Variants in PCDHA6 observed in about 807,000 individuals in gnomAD.
PCDHA6 encodes protocadherin alpha-6.
A neutral mutation model predicts 60.3 loss-of-function variants in PCDHA6; 55 were observed. The ratio of observed to expected loss-of-function variants is 0.91; its 90% CI spans 0.73 to 1.14. The LOEUF (loss-of-function observed/expected upper bound fraction) is 1.14, where lower values mean the gene tolerates loss of function less well. Among genes scored for constraint, PCDHA6 ranks in the 50% most tolerant of loss-of-function variants. PCDHA6 has a pLI of 0.00. For synonymous variants in PCDHA6, 652 were observed against 557.9 expected, an observed-to-expected ratio of 1.17 and a Z score of -2.38; for missense variants, 1,327 against 1,256.5, an observed-to-expected ratio of 1.06 and a Z score of -0.85.
At chr5:140,894,066 A>G (rs997633914) in intron 1 of PCDHA6, among the ~76,000 whole-genome samples, 1 of 152,204 alleles carries the variant, frequency 6.6e-6, no homozygotes, top group Admixed American at 6.5e-5. Context: ...ATTTTTAAAT[A>G]CATTTATTTT....
chr5:140,953,528 C>T (rs2094898852), intron 1 of PCDHA6, among the ~76,000 whole-genome samples: 1 of 152,112 alleles, frequency 6.6e-6, no homozygotes, highest in Non-Finnish European at 1.5e-5. Context: ...AAACGGGAAA[C>T]TCACTTCATG....
At chr5:140,902,437 T>A (rs2069464443) in intron 1 of PCDHA6, among the ~76,000 whole-genome samples, 3 of 152,154 alleles carry the variant, frequency 2.0e-5, no homozygotes, top group Admixed American at 2.0e-4. Context: ...GGCATCCTTG[T>A]CATATTCTAG....
intron 1 of PCDHA6, chr5:140,870,427 G>C: frequency 6.2e-7 from 1 of 1,614,220 alleles, no homozygotes; most frequent in Non-Finnish European, 8.5e-7. Context: ...CAGGGTATCC[G>C]TGGAGGTGGC....
Position 140,828,871 on chromosome 5 carries a change from A to G in PCDHA6, c.780A>G (p.Thr260=). The change falls in exon 1 of 4, where the codon ACA becomes ACG. Residue 260 remains threonine (T), a synonymous_variant. Coordinates refer to ENST00000529310, the MANE Select transcript of PCDHA6 (RefSeq NM_018909.4). The part of the protein sequence containing the change: ...RIFENADNGT[T]VIRLNASDRD... Reference sequence around the variant, plus strand: ...TCGAAAATGCAGACAACGGAACAACAGTTATCAGACTGAATGCTTCTGATC... The same window carrying G: ...TCGAAAATGCAGACAACGGAACAACGGTTATCAGACTGAATGCTTCTGATC... The G allele has an allele frequency of 6.2e-7, 1 of 1,614,250 alleles. No individual in the cohort carries two copies.
At chr5:140,930,902 T>C (rs1474835953) in intron 1 of PCDHA6, among the ~76,000 whole-genome samples, 1 of 152,212 alleles carries the variant, frequency 6.6e-6, no homozygotes, top group Non-Finnish European at 1.5e-5. Flanking sequence ...TTTAACTTAC[T>C]TTTCTACTTT....
At chr5:140,882,414 C>T in intron 1 of PCDHA6, 2 of 1,614,148 alleles carry the variant, frequency 1.2e-6, no homozygotes, top group Non-Finnish European at 8.5e-7. Flanking sequence ...GGCCGCATCG[C>T]TCAGGACCTG....
chr5:140,912,635 T>G (rs1554195442), intron 1 of PCDHA6, among the ~76,000 whole-genome samples: 2 of 152,156 alleles, frequency 1.3e-5, no homozygotes, highest in Admixed American at 6.5e-5. Context: ...AGACTTTCAG[T>G]ACTATGTTGA....
At chr5:140,839,108 A>G (rs1047759109) in intron 1 of PCDHA6, among the ~76,000 whole-genome samples, 1 of 151,988 alleles carries the variant, frequency 6.6e-6, no homozygotes, top group Non-Finnish European at 1.5e-5. Context: ...ATTATTTACC[A>G]TTAAGCCATA....
intron 1 of PCDHA6, among the ~76,000 whole-genome samples, chr5:140,840,756 A>T (rs1776857330): frequency 2.6e-5 from 4 of 152,114 alleles, no homozygotes; most frequent in Non-Finnish European, 5.9e-5. Context: ...GAACACAAGA[A>T]GATAAAATGT....
chr5:141,004,486 C>CT (rs2098167953), intron 3 of PCDHA6, among the ~76,000 whole-genome samples: 2 of 152,200 alleles, frequency 1.3e-5, no homozygotes, highest in South Asian at 4.1e-4. Flanking sequence ...TGGATTAACT[C>CT]TTGGCAGTCC....
Position 140,830,275 on chromosome 5 carries a change from C to T in PCDHA6, c.2184C>T (p.Thr728=). The T allele has an allele frequency of 6.2e-7, 1 of 1,613,816 alleles. No individual in the cohort carries two copies. The highest frequency in any genetic ancestry group is 8.5e-7 in the Non-Finnish European group (1 of 1,179,858). ...YTALRCSAPP[T]EGACTADKPT... ...CGCTGCGGTGCTCGGCGCCACCCAC[C>T]GAGGGCGCGTGCACGGCGGACAAGC... is the stretch of plus-strand genomic sequence containing the variant. Residue 728 remains threonine (T), a synonymous_variant, in exon 1 of 4, where the codon ACC becomes ACT. Coordinates refer to ENST00000529310, the MANE Select transcript of PCDHA6 (RefSeq NM_018909.4).
At chr5:140,978,922 C>A (rs569091265) in intron 1 of PCDHA6, 27 bp from the exon 2 acceptor site, 7 of 1,613,966 alleles carry the variant, frequency 4.3e-6, no homozygotes, top group Non-Finnish European at 5.1e-6. Context: ...GTCATTTTAA[C>A]AGAAAACTCT....
At chr5:140,863,377 G>T (rs782482597) in intron 1 of PCDHA6, 6 of 1,100,624 alleles carry the variant, frequency 5.5e-6, no homozygotes, top group Non-Finnish European at 7.9e-6. Context: ...GCAGCTCACC[G>T]AGAGCTCGTG....
At chr5:140,858,252 C>T in intron 1 of PCDHA6, 1 of 1,596,744 alleles carries the variant, frequency 6.3e-7, no homozygotes. Context: ...CCGGTGAAGC[C>T]CACGCTGGTG....
chr5:140,967,229 C>T, intron 1 of PCDHA6: 2 of 1,613,760 alleles, frequency 1.2e-6, no homozygotes, highest in East Asian at 2.2e-5. Flanking sequence ...CAACTACCAG[C>T]TTCAGGTAAG....
chr5:140,834,777 G>A (rs2150226372), intron 1 of PCDHA6: 1 of 1,613,920 alleles, frequency 6.2e-7, no homozygotes, highest in Admixed American at 1.7e-5. Flanking sequence ...CAACCCTCCG[G>A]TGTTCCCAGC....
chr5:140,882,020 C>CA, intron 1 of PCDHA6: 1 of 561,726 alleles, frequency 1.8e-6, no homozygotes, highest in East Asian at 3.1e-5. Context: ...AATACTACAT[C>CA]AATGGAAAAT....
intron 1 of PCDHA6, chr5:140,856,086 T>C (rs1554148156): frequency 1.9e-6 from 3 of 1,596,442 alleles, no homozygotes; most frequent in Non-Finnish European, 2.6e-6. Flanking sequence ...GTCCAGTGTC[T>C]GCTGCTCTCG....
chr5:140,911,075 A>G (rs1554194593), intron 1 of PCDHA6, among the ~76,000 whole-genome samples: 1 of 152,076 alleles, frequency 6.6e-6, no homozygotes, highest in Admixed American at 6.6e-5. Context: ...GAGGAGAATC[A>G]ACATTATCTT....
Sources: gnomAD v4.1 joint callset for allele counts (sites outside exome capture counted in the v4.1 genomes callset) on GRCh38, gnomAD v4.1.1 for gene constraint, MANE v1.5 for transcripts, NCBI Gene and HGNC (gene_info 2026-07-23, HGNC 2026-07-21) for gene names.